Variants in DCP1B observed in about 807,000 individuals in gnomAD.
DCP1B encodes the protein mRNA-decapping enzyme 1B.
A neutral mutation model predicts 60.5 loss-of-function variants in DCP1B; 47 were observed. The observed-to-expected ratio is 0.78, with a 90% CI of 0.61 to 0.99. The LOEUF is 0.99. Ranked by LOEUF, DCP1B falls within the 50% of genes least tolerant of loss-of-function variation. The probability of loss-of-function intolerance (pLI) is 0.00; values close to 1 mark genes in which losing one functional copy is unlikely to be tolerated. For synonymous variants in DCP1B, 267 were observed against 280.3 expected, an observed-to-expected ratio of 0.95 and a Z score of 0.47; for missense variants, 725 against 756.8, an observed-to-expected ratio of 0.96 and a Z score of 0.49.
intron 7 of DCP1B, among the ~76,000 whole-genome samples, chr12:1,951,008 A>G (rs963820695): frequency 6.6e-6 from 1 of 152,170 alleles, no homozygotes; most frequent in African/African-American, 2.4e-5. Flanking sequence ...GCAGTGGCTC[A>G]CGACTGTAAT....
chr12:1,949,811 G>A (rs1347404465), intron 7 of DCP1B, among the ~76,000 whole-genome samples: 1 of 152,198 alleles, frequency 6.6e-6, no homozygotes, highest in East Asian at 1.9e-4. Context: ...TGGGGAGGGA[G>A]AGTGATGTGT....
At chr12:1,973,008 ACTT>A (rs2033019111) in intron 3 of DCP1B, among the ~76,000 whole-genome samples, 1 of 152,204 alleles carries the variant, frequency 6.6e-6, no homozygotes, top group South Asian at 2.1e-4. Context: ...CGGATTCTGT[ACTT>A]CTTCCCCATT....
chr12:1,997,407 C>T (rs560355858), intron 2 of DCP1B, among the ~76,000 whole-genome samples: 45 of 152,336 alleles, frequency 3.0e-4, no homozygotes, highest in African/African-American at 1.1e-3. Context: ...GTAATCCCAG[C>T]TACTCAGAAG....
intron 2 of DCP1B, among the ~76,000 whole-genome samples, chr12:1,996,927 C>A (rs1014120904): frequency 6.6e-5 from 10 of 152,122 alleles, no homozygotes; most frequent in Non-Finnish European, 1.2e-4. Flanking sequence ...GAAACAGATA[C>A]CCCTAGAAAG....
intron 5 of DCP1B, among the ~76,000 whole-genome samples, chr12:1,964,431 T>C (rs536570863): frequency 1.3e-5 from 2 of 152,290 alleles, no homozygotes; most frequent in South Asian, 2.1e-4. Flanking sequence ...CCTTGTAAAA[T>C]GTTTTTTATT....
chr12:1,989,094 T>A (rs905596760), intron 3 of DCP1B, among the ~76,000 whole-genome samples: 1 of 152,214 alleles, frequency 6.6e-6, no homozygotes, highest in African/African-American at 2.4e-5. Flanking sequence ...CTCTGAAATA[T>A]CCCTGTCAGC....
In DCP1B at chr12:1,996,650, AAAAAACAAC is replaced by A. The variant is rs1411583025; in HGVS notation, c.191+1276_191+1284del. 1.2e-3 allele frequency among the ~76,000 whole-genome samples: 52 copies of A among 43,432 alleles called. 2 individuals carry two copies. The highest frequency in any genetic ancestry group is 5.6e-3 in the African/African-American group (43 of 7,722). 28.5% of individuals were successfully genotyped at this position (43,432 alleles called of 152,430 possible). ...AAAAAAAAAAAAAAAAAAAAAAAAA[AAAAAACAAC>A]AAACTCTTCTAATGTTTTAAAGAAG... On this transcript the variant is annotated intron_variant, in intron 2 of 8. Transcript: ENST00000280665.
chr12:1,996,449 C>T (rs1266021935), intron 2 of DCP1B, among the ~76,000 whole-genome samples: 1 of 151,850 alleles, frequency 6.6e-6, no homozygotes, highest in African/African-American at 2.4e-5. Flanking sequence ...AGACTGCCTT[C>T]CCTCTCCTCT....
intron 5 of DCP1B, among the ~76,000 whole-genome samples, chr12:1,963,872 C>A (rs908741375): frequency 2.0e-5 from 3 of 152,090 alleles, no homozygotes; most frequent in Admixed American, 6.6e-5. Flanking sequence ...TGTTTTTATA[C>A]CTAAGAAACA....
intron 3 of DCP1B, among the ~76,000 whole-genome samples, chr12:1,968,558 G>A (rs1288320757): frequency 1.3e-5 from 2 of 152,046 alleles, no homozygotes; most frequent in African/African-American, 2.4e-5. Context: ...TCCTGGCTGC[G>A]AGATAGCATT....
At chr12:1,990,781 C>T (rs185470210) in intron 3 of DCP1B, among the ~76,000 whole-genome samples, 237 of 152,224 alleles carry the variant, frequency 1.6e-3, no homozygotes, top group African/African-American at 5.3e-3. Flanking sequence ...CTATATGCCA[C>T]CAAAGAACAT....
chr12:1,971,093 C>T lies in DCP1B; in HGVS notation c.320-3183G>A. ...TCGAGCCTTTGTTCAGCCTGGTACGCCTGCATACCAGCCGCTTCCCAGCCA... is the reference window on the plus strand; with the variant it reads ...TCGAGCCTTTGTTCAGCCTGGTACGTCTGCATACCAGCCGCTTCCCAGCCA... On this transcript the variant is annotated intron_variant, in intron 3 of 8. Transcript: ENST00000280665. This position sits in a 1 kb window ranked among gnomAD's most constrained non-coding sequence, Gnocchi z 4.2. The T allele has an allele frequency of 2.3e-6, 3 of 1,289,514 alleles. No homozygotes were observed. The highest frequency in any genetic ancestry group is 3.0e-6 in the Non-Finnish European group (3 of 988,628). 79.9% of individuals were successfully genotyped at this position (1,289,514 alleles called of 1,614,324 possible).
At chr12:1,954,148 C>G (rs773318019) in intron 6 of DCP1B, among the ~76,000 whole-genome samples, 1 of 151,486 alleles carries the variant, frequency 6.6e-6, no homozygotes, top group Non-Finnish European at 1.5e-5. Context: ...TGCCACTGCA[C>G]TCCAGCCCGG....
rs148055663 is a variant in DCP1B, at chr12:1,951,778, A to C, written c.1524+638T>G. On this transcript the variant is annotated intron_variant, in intron 7 of 8. Transcript: ENST00000280665. ...TGTAGACAATGCCTGACATGTAGTA[A>C]GTGCTCAAAAATATTTACTAAATAA... Among the ~76,000 whole-genome samples, 1,090 of 152,330 alleles carry C rather than the reference A, an allele frequency of 7.2e-3. 11 individuals carry two copies. The highest frequency in any genetic ancestry group is 0.025 in the African/African-American group (1,031 of 41,558).
chr12:1,998,076 T>A, intron 1 of DCP1B, 101 bp from the exon 2 acceptor site: 2 of 991,900 alleles, frequency 2.0e-6, no homozygotes, highest in Non-Finnish European at 3.0e-6. Context: ...ATAACTTCAA[T>A]GGGCCAAATA....
chr12:1,998,368 C>T (rs953003877), intron 1 of DCP1B, among the ~76,000 whole-genome samples: 3 of 152,170 alleles, frequency 2.0e-5, no homozygotes, highest in Non-Finnish European at 4.4e-5. Flanking sequence ...CTGGTGTCTG[C>T]ATTTCACTAT....
intron 3 of DCP1B, among the ~76,000 whole-genome samples, chr12:1,969,751 C>T (rs1283042173): frequency 2.0e-5 from 3 of 152,120 alleles, no homozygotes; most frequent in African/African-American, 7.2e-5. Context: ...CATACCCTCA[C>T]GTTCTTGAAG....
intron 5 of DCP1B, among the ~76,000 whole-genome samples, chr12:1,956,439 C>T (rs2030887448): frequency 6.6e-6 from 1 of 152,166 alleles, no homozygotes; most frequent in Non-Finnish European, 1.5e-5. Context: ...CAATCTTGTC[C>T]CTCAGGAACC....
At chr12:1,950,660 G>A (rs1247419542) in intron 7 of DCP1B, among the ~76,000 whole-genome samples, 1 of 152,072 alleles carries the variant, frequency 6.6e-6, no homozygotes, top group Non-Finnish European at 1.5e-5. Context: ...TGAATTTTTT[G>A]TTTTGAGACA....
Sources: gnomAD v4.1 joint callset for allele counts (sites outside exome capture counted in the v4.1 genomes callset) on GRCh38, gnomAD v4.1.1 for gene constraint, Gnocchi (gnomAD v3.1) non-coding constraint, MANE v1.5 for transcripts, NCBI Gene and HGNC (gene_info 2026-07-23, HGNC 2026-07-21) for gene names.